Variants in CASK observed in about 807,000 individuals in gnomAD.
CASK encodes the protein calcium/calmodulin dependent serine protein kinase.
CASK carries 4 observed loss-of-function variants against 82.9 expected under a neutral mutation model. The ratio of observed to expected loss-of-function variants is 0.05; its 90% CI spans 0.02 to 0.11. CASK has a LOEUF of 0.11. Ranked by LOEUF, CASK falls within the 10% of genes least tolerant of loss-of-function variation. CASK has a pLI of 1.00. For missense variants in CASK, 358 were observed against 720.9 expected, an observed-to-expected ratio of 0.50 and a Z score of 5.76; for synonymous variants, 259 against 253.5, an observed-to-expected ratio of 1.02 and a Z score of -0.20.
At chrX:41,711,638 T>C (rs2067978710) in intron 5 of CASK, among the ~76,000 whole-genome samples, 2 of 111,391 alleles carry the variant, frequency 1.8e-5, no homozygotes, top group Non-Finnish European at 3.8e-5. Flanking sequence ...TTTCCTCTGA[T>C]TGATCCCCGC....
chrX:41,656,548 G>A (rs12850561), intron 8 of CASK, among the ~76,000 whole-genome samples: 1 of 111,994 alleles, frequency 8.9e-6, no homozygotes, highest in Non-Finnish European at 1.9e-5. Context: ...TCTTCTCAGA[G>A]TAATAGTTTG....
chrX:41,598,613 C>T (rs962530143), intron 12 of CASK, among the ~76,000 whole-genome samples: 2 of 111,725 alleles, frequency 1.8e-5, no homozygotes, highest in African/African-American at 3.3e-5. Context: ...CCACCCACCT[C>T]GGCCTCCCAA....
chrX:41,569,300 G>A (rs1046282652), intron 16 of CASK, among the ~76,000 whole-genome samples: 1 of 111,374 alleles, frequency 9.0e-6, no homozygotes, highest in African/African-American at 3.3e-5. Flanking sequence ...CGTGGTCCCC[G>A]TAAGTAGTAA....
intron 12 of CASK, among the ~76,000 whole-genome samples, chrX:41,600,287 G>A (rs1054839133): frequency 1.8e-5 from 2 of 112,171 alleles, no homozygotes; most frequent in African/African-American, 3.2e-5. Flanking sequence ...AGGCAGTCTG[G>A]CAGAAGAGTT....
intron 3 of CASK, among the ~76,000 whole-genome samples, chrX:41,775,271 G>A (rs1264288376): frequency 4.5e-5 from 5 of 111,591 alleles, no homozygotes; most frequent in Non-Finnish European, 9.4e-5. Flanking sequence ...GCAGCCAAAA[G>A]ACACATTAAA....
chrX:41,760,581 G>C (rs959463475), intron 3 of CASK, among the ~76,000 whole-genome samples: 1 of 110,926 alleles, frequency 9.0e-6, no homozygotes, highest in African/African-American at 3.3e-5. Flanking sequence ...CCAGGAGACA[G>C]ACAGGGTTTC....
rs72190097 is a variant in CASK, at chrX:41,869,812, C to CAAAAAAAAAAA, written c.60-16596_60-16586dup. 9.1e-4 allele frequency among the ~76,000 whole-genome samples: 11 copies of CAAAAAAAAAAA among 12,116 alleles called. 1 individual carries two copies. The highest frequency in any genetic ancestry group is 3.8e-3 in the African/African-American group (9 of 2,347). The allele number at this position is 12,116 out of a possible 115,157, so 10.5% of individuals were successfully genotyped here. On this transcript the variant is annotated intron_variant, in intron 1 of 26. Transcript: ENST00000378163. ...TGGGTGATGAAGTAAGACTCTGTCT[C>CAAAAAAAAAAA]AAAAAAAAAAAAAAAAAAAAAAAAG...
At chrX:41,727,314 T>C (rs144197742) in intron 5 of CASK, 7 of 1,206,520 alleles carry the variant, frequency 5.8e-6, no homozygotes, top group African/African-American at 1.7e-5. Flanking sequence ...TTCTGGGAAC[T>C]CTATCCATGC....
At chrX:41,918,168 AT>A (rs942981965) in intron 1 of CASK, among the ~76,000 whole-genome samples, 8 of 112,282 alleles carry the variant, frequency 7.1e-5, no homozygotes, top group Middle Eastern at 9.2e-3. Context: ...TCCGGGAAAC[AT>A]TTTTTCAACA....
chrX:41,625,765 T>C (rs1476221319), intron 10 of CASK, among the ~76,000 whole-genome samples: 1 of 110,332 alleles, frequency 9.1e-6, no homozygotes, highest in Non-Finnish European at 1.9e-5. Context: ...GATACTTGTA[T>C]GCATGTGTTA....
chrX:41,829,580 C>T (rs2070739906), intron 2 of CASK, among the ~76,000 whole-genome samples: 1 of 72,169 alleles, frequency 1.4e-5, no homozygotes. Context: ...AAGAATTCTG[C>T]TAAAAGAATT....
At chrX:41,724,071 T>G (rs2068212155) in intron 5 of CASK, 1 of 112,270 alleles carries the variant, frequency 8.9e-6, no homozygotes, top group Non-Finnish European at 1.9e-5. Context: ...AAATGAGGGT[T>G]TTTTGAGGAG....
At chrX:41,798,516 G>A (rs761977088) in intron 2 of CASK, among the ~76,000 whole-genome samples, 1 of 112,842 alleles carries the variant, frequency 8.9e-6, no homozygotes, top group East Asian at 2.8e-4. Context: ...TAGACAGAGA[G>A]CAGTTAAGTA....
intron 5 of CASK, among the ~76,000 whole-genome samples, chrX:41,702,136 A>G (rs1410685136): frequency 8.9e-6 from 1 of 111,954 alleles, no homozygotes; most frequent in African/African-American, 3.2e-5. Flanking sequence ...CTGTAATCCC[A>G]GCACTTTGGG....
chrX:41,575,743 C>T (rs900772542), intron 15 of CASK, among the ~76,000 whole-genome samples: 3 of 110,985 alleles, frequency 2.7e-5, no homozygotes, highest in Non-Finnish European at 3.8e-5. Context: ...GAGATTGACA[C>T]TCTATTATTG....
chrX:41,614,674 A>C (rs1302513564), intron 11 of CASK, among the ~76,000 whole-genome samples: 4 of 111,368 alleles, frequency 3.6e-5, no homozygotes, highest in Non-Finnish European at 5.7e-5. Context: ...GGTGCGTGCC[A>C]ACACGCCCAG....
At chrX:41,530,018 G>C (rs1048435271) in intron 25 of CASK, among the ~76,000 whole-genome samples, 3 of 111,900 alleles carry the variant, frequency 2.7e-5, no homozygotes, top group African/African-American at 9.8e-5. Flanking sequence ...CCCTGCCTAA[G>C]ATAGCCAGGT....
chrX:41,544,338 G>A (rs188584268), intron 21 of CASK, among the ~76,000 whole-genome samples: 1,205 of 111,296 alleles, frequency 0.011, 5 homozygotes, highest in Non-Finnish European at 0.016. Context: ...AGGCTGAGGC[G>A]GGTGGATGAC....
intron 1 of CASK, among the ~76,000 whole-genome samples, chrX:41,907,392 A>G (rs1195397): frequency 0.19 from 21,553 of 111,375 alleles, 1,649 homozygotes; most frequent in Middle Eastern, 0.3. Context: ...AGTGATATGC[A>G]TAAAGAGAAA....
Sources: allele counts gnomAD v4.1 joint callset (sites outside exome capture counted in the v4.1 genomes callset), GRCh38; gene constraint gnomAD v4.1.1; transcripts MANE v1.5; gene names NCBI Gene and HGNC (gene_info 2026-07-23, HGNC 2026-07-21).